Variants in LRP1B observed in about 807,000 individuals in gnomAD.
LRP1B encodes LDL receptor related protein 1B, also known as low-density lipoprotein receptor-related protein 1B.
A neutral mutation model predicts 556.6 loss-of-function variants in LRP1B; 217 were observed. The observed-to-expected ratio is 0.39, with a 90% CI of 0.35 to 0.44. The LOEUF is 0.44. Among genes scored for constraint, LRP1B ranks in the 20% least tolerant of loss-of-function variants. The probability of loss-of-function intolerance (pLI) is 1.00; values close to 1 mark genes in which losing one functional copy is unlikely to be tolerated. For missense variants in LRP1B, 5,053 were observed against 5,620.8 expected (o/e 0.90, Z 3.23); for synonymous variants, 2,047 against 1,865.8 (o/e 1.10, Z -2.50).
At chr2:142,081,870 G>T (rs1442004770) in intron 1 of LRP1B, among the ~76,000 whole-genome samples, 2 of 152,142 alleles carry the variant, frequency 1.3e-5, no homozygotes, top group Non-Finnish European at 2.9e-5. Flanking sequence ...TAACTATTTT[G>T]TGAGTTGGTA....
intron 72 of LRP1B, 56 bp from the exon 73 acceptor site, chr2:140,359,002 G>A (rs1486407231): frequency 6.6e-7 from 1 of 1,519,252 alleles, no homozygotes; most frequent in Non-Finnish European, 8.9e-7. Flanking sequence ...GCTTTATGAA[G>A]AACATTCTTC....
In LRP1B at chr2:141,570,574, C is replaced by A. The variant is rs538206063; in HGVS notation, c.206-90041G>T. On this transcript the variant is annotated intron_variant, in intron 2 of 90. Transcript: ENST00000389484. ...CACTGGCTGGAGCTGTGGCTGCCTG[C>A]TATCTAAACAGTTTGACCTCGGAAG... Among the ~76,000 whole-genome samples, 4 of 150,932 alleles carry A rather than the reference C, an allele frequency of 2.7e-5. No individual in the cohort carries two copies. The East Asian group carries it at 5.8e-4, about 22-fold the overall frequency.
chr2:142,034,880 A>T (rs924902238), intron 1 of LRP1B, among the ~76,000 whole-genome samples: 2 of 151,782 alleles, frequency 1.3e-5, no homozygotes, highest in African/African-American at 2.4e-5. Flanking sequence ...AATTAAATTT[A>T]TCAGATTTCT....
chr2:141,248,844 A>G (rs1278865633), intron 4 of LRP1B, among the ~76,000 whole-genome samples: 2 of 152,194 alleles, frequency 1.3e-5, no homozygotes, highest in East Asian at 3.9e-4. Context: ...TGCTAATTTT[A>G]TCCAAGAAAT....
At chr2:142,024,651 T>C (rs1297586173) in intron 1 of LRP1B, among the ~76,000 whole-genome samples, 7 of 149,718 alleles carry the variant, frequency 4.7e-5, no homozygotes, top group African/African-American at 1.7e-4. Flanking sequence ...TGTTTTTGCT[T>C]TCATGCTACA....
chr2:140,355,451 A>T (rs1052701354), intron 75 of LRP1B, among the ~76,000 whole-genome samples: 9 of 152,026 alleles, frequency 5.9e-5, no homozygotes, highest in African/African-American at 2.2e-4. Flanking sequence ...TTTAACTCAA[A>T]ATGTAGATAA....
chr2:140,963,584 A>G (rs1696104235), intron 18 of LRP1B, among the ~76,000 whole-genome samples: 1 of 152,208 alleles, frequency 6.6e-6, no homozygotes, highest in African/African-American at 2.4e-5. Context: ...ATCACTGGCC[A>G]GTAACCGGTG....
rs551172024 is a variant in LRP1B, at chr2:140,826,171, G to A, written c.5210-12365C>T. On this transcript the variant is annotated intron_variant, in intron 31 of 90. Transcript: ENST00000389484. ...CTAGCCAGTTTTCAGGATCTCATAA[G>A]TCAAAATTTTGCAACAAATAACATA... Among the ~76,000 whole-genome samples, 253 of 152,214 alleles carry A rather than the reference G, an allele frequency of 1.7e-3. 1 individual carries two copies. Among genetic ancestry groups the A allele is most frequent in the African/African-American group, 5.9e-3 (247 of 41,542 alleles).
At chr2:140,878,989 CAAAAAAA>C (rs3063609) in intron 25 of LRP1B, among the ~76,000 whole-genome samples, 1 of 135,790 alleles carries the variant, frequency 7.4e-6, no homozygotes, top group Admixed American at 7.5e-5. Context: ...ACTCTGTTTC[CAAAAAAA>C]AAAAAAAAAG....
chr2:142,078,497 G>T (rs1376232110), intron 1 of LRP1B, among the ~76,000 whole-genome samples: 2 of 152,124 alleles, frequency 1.3e-5, no homozygotes, highest in Non-Finnish European at 2.9e-5. Flanking sequence ...GAAAATTCGA[G>T]TTTAAGATTT....
chr2:141,565,458 AAG>A lies in LRP1B; in HGVS notation c.206-84927_206-84926del, dbSNP rs1686299184. ...TCAAGGCTTTTAAGAGCTGCAGAGA[AAG>A]AGTCTGCAATACCTTTTTTCTTTAT... On this transcript the variant is annotated intron_variant, in intron 2 of 90. Transcript: ENST00000389484. Among the ~76,000 whole-genome samples the A allele has an allele frequency of 3.3e-5, 5 of 152,248 alleles. No individual in the cohort carries two copies. In the South Asian group the frequency reaches 1.0e-3, roughly 31 times the overall value.
At chr2:140,328,129 G>GA (rs1322069073) in intron 79 of LRP1B, among the ~76,000 whole-genome samples, 2 of 151,754 alleles carry the variant, frequency 1.3e-5, no homozygotes, top group Non-Finnish European at 2.9e-5. Context: ...TAATAAAGTG[G>GA]AAAAAAATCA....
At position 141,444,372 on chromosome 2, in the gene LRP1B, T is replaced by A. The variant is rs147330337; in HGVS notation, c.343+36024A>T. 1.1e-3 allele frequency among the ~76,000 whole-genome samples: 171 copies of A among 152,302 alleles called. No homozygotes were observed. In the Middle Eastern group the frequency reaches 0.02, roughly 18 times the overall value. On this transcript the variant is annotated intron_variant, in intron 3 of 90. Coordinates refer to ENST00000389484, the MANE Select transcript of LRP1B (RefSeq NM_018557.3). ...TTTCTAAATATACAATCATGTCATC[T>A]CAAATAGAGATAATTTGACTTCCTC...
chr2:141,922,662 A>G (rs1376051191), intron 1 of LRP1B, among the ~76,000 whole-genome samples: 1 of 152,194 alleles, frequency 6.6e-6, no homozygotes, highest in African/African-American at 2.4e-5. Flanking sequence ...TATGGAATTG[A>G]GGAGTTCCAG....
intron 21 of LRP1B, among the ~76,000 whole-genome samples, chr2:140,917,239 C>T (rs1430921263): frequency 6.6e-6 from 1 of 152,126 alleles, no homozygotes; most frequent in African/African-American, 2.4e-5. Flanking sequence ...TCATTCATCT[C>T]AAGTGAATGA....
chr2:140,866,509 G>T (rs1692957610), intron 27 of LRP1B, among the ~76,000 whole-genome samples: 1 of 152,068 alleles, frequency 6.6e-6, no homozygotes, highest in Non-Finnish European at 1.5e-5. Flanking sequence ...GCTCACCTAT[G>T]TAAGCAGTAG....
At chr2:141,293,647 G>A (rs1180960327) in intron 3 of LRP1B, among the ~76,000 whole-genome samples, 1 of 146,330 alleles carries the variant, frequency 6.8e-6, no homozygotes, top group Admixed American at 6.7e-5. Context: ...TTTCTGTCTT[G>A]GGAATTTTAC....
chr2:140,273,963 A>G (rs1477591791), intron 85 of LRP1B, among the ~76,000 whole-genome samples: 1 of 152,042 alleles, frequency 6.6e-6, no homozygotes, highest in African/African-American at 2.4e-5. Flanking sequence ...AAGTCAGATT[A>G]AGAAAAAAGG....
At chr2:140,428,170 TA>T (rs1685745880) in intron 66 of LRP1B, among the ~76,000 whole-genome samples, 3 of 152,032 alleles carry the variant, frequency 2.0e-5, no homozygotes, top group African/African-American at 7.3e-5. Context: ...ATCCCAACAT[TA>T]AATAAAACTC....
Sources: allele counts gnomAD v4.1 joint callset (sites outside exome capture counted in the v4.1 genomes callset), GRCh38; gene constraint gnomAD v4.1.1; transcripts MANE v1.5; gene names NCBI Gene and HGNC (gene_info 2026-07-23, HGNC 2026-07-21).